LRRTM4: variants seen among roughly 807,000 people sequenced by gnomAD.
LRRTM4 encodes leucine-rich repeat transmembrane neuronal protein 4.
A neutral mutation model predicts 47.6 loss-of-function variants in LRRTM4; 25 were observed. That is an observed-to-expected ratio of 0.53 (90% CI 0.38 to 0.73). The LOEUF (loss-of-function observed/expected upper bound fraction) is 0.73. Ranked by LOEUF, LRRTM4 falls within the 30% of genes least tolerant of loss-of-function variation. LRRTM4 has a pLI of 0.00. For missense variants in LRRTM4, 638 were observed against 713.4 expected, an observed-to-expected ratio of 0.89 and a Z score of 1.20; for synonymous variants, 311 against 269.5, an observed-to-expected ratio of 1.15 and a Z score of -1.51.
At chr2:77,430,633 A>ACC (rs1487282683) in intron 3 of LRRTM4, among the ~76,000 whole-genome samples, 2 of 148,534 alleles carry the variant, frequency 1.3e-5, no homozygotes, top group African/African-American at 2.6e-5. Context: ...AGGCAGGAGA[A>ACC]TCACTTGAAC....
chr2:76,976,037 A>T (rs928061571), intron 3 of LRRTM4, among the ~76,000 whole-genome samples: 2 of 151,754 alleles, frequency 1.3e-5, no homozygotes, highest in Admixed American at 1.3e-4. Context: ...CTATTGAATT[A>T]TAACTTTCCT....
chr2:77,515,831 G>A (rs1045595458), intron 3 of LRRTM4, among the ~76,000 whole-genome samples: 10 of 151,766 alleles, frequency 6.6e-5, no homozygotes, highest in Non-Finnish European at 1.2e-4. Context: ...ATTTTACTCC[G>A]AGTGACAAAG....
At chr2:76,992,324 T>C (rs1428430716) in intron 3 of LRRTM4, among the ~76,000 whole-genome samples, 1 of 151,714 alleles carries the variant, frequency 6.6e-6, no homozygotes, top group Non-Finnish European at 1.5e-5. Flanking sequence ...GGCATCCAAA[T>C]AGAAAAAGCA....
intron 3 of LRRTM4, among the ~76,000 whole-genome samples, chr2:77,157,054 C>G (rs371085269): frequency 6.6e-6 from 1 of 151,964 alleles, no homozygotes; most frequent in Non-Finnish European, 1.5e-5. Context: ...ATTAAACAAA[C>G]CCTTAACATT....
chr2:77,102,214 C>T (rs1184377341), intron 3 of LRRTM4, among the ~76,000 whole-genome samples: 2 of 152,332 alleles, frequency 1.3e-5, no homozygotes, highest in African/African-American at 2.4e-5. Context: ...ACCCCGCACC[C>T]TCATGTGGTT....
At chr2:77,467,242 C>G (rs906955616) in intron 3 of LRRTM4, among the ~76,000 whole-genome samples, 2 of 152,040 alleles carry the variant, frequency 1.3e-5, no homozygotes, top group Non-Finnish European at 2.9e-5. Context: ...GTGATCAGCA[C>G]AGTGTTCCTT....
rs1247723363 is a variant in LRRTM4 at position 76,806,682 on chromosome 2, AAG to A, written c.1552-57768_1552-57767del. ...AAATATATTACAAAGTAATACTGAA[AAG>A]AGAAGTTAAAAATGTGCATAAAATT... On this transcript the variant is annotated intron_variant, in intron 3 of 3. Transcript: ENST00000409884. 3.3e-5 allele frequency among the ~76,000 whole-genome samples: 5 copies of A among 152,282 alleles called. No individual in the cohort carries two copies. The South Asian group carries it at 6.2e-4, about 19-fold the overall frequency.
At chr2:76,989,756 A>G (rs1480629867) in intron 3 of LRRTM4, 1 of 151,792 alleles carries the variant, frequency 6.6e-6, no homozygotes, top group East Asian at 1.9e-4. Flanking sequence ...TGTAGTTGTC[A>G]TTATCGTTAT....
At chr2:77,033,827 T>A (rs1049423194) in intron 3 of LRRTM4, among the ~76,000 whole-genome samples, 4 of 151,812 alleles carry the variant, frequency 2.6e-5, no homozygotes, top group African/African-American at 7.2e-5. Flanking sequence ...TAAAAATAAT[T>A]AACTTATAAA....
At chr2:77,245,217 A>G (rs1367223796) in intron 3 of LRRTM4, among the ~76,000 whole-genome samples, 1 of 151,992 alleles carries the variant, frequency 6.6e-6, no homozygotes, top group East Asian at 1.9e-4. Flanking sequence ...TAATACTTTA[A>G]ATGTACAACT....
intron 3 of LRRTM4, among the ~76,000 whole-genome samples, chr2:77,116,814 T>A (rs968522422): frequency 6.6e-6 from 1 of 152,134 alleles, no homozygotes; most frequent in Non-Finnish European, 1.5e-5. Flanking sequence ...TTTTTACATA[T>A]ATAATTTGTC....
chr2:77,462,915 TG>T (rs932385731), intron 3 of LRRTM4, among the ~76,000 whole-genome samples: 3 of 147,134 alleles, frequency 2.0e-5, no homozygotes, highest in East Asian at 2.0e-4. Context: ...GTAGCGGGGG[TG>T]GGGGGCAAAT....
At chr2:77,263,738 T>C (rs1380677694) in intron 3 of LRRTM4, among the ~76,000 whole-genome samples, 2 of 152,128 alleles carry the variant, frequency 1.3e-5, no homozygotes, top group East Asian at 1.9e-4. Flanking sequence ...CCCTGGCTAA[T>C]GTAGTGTAAA....
At chr2:77,375,092 C>A (rs1558713980) in intron 3 of LRRTM4, among the ~76,000 whole-genome samples, 1 of 151,174 alleles carries the variant, frequency 6.6e-6, no homozygotes, top group African/African-American at 2.4e-5. Flanking sequence ...TCTTTCTTGC[C>A]TTTTTTTTCT....
At chr2:77,341,174 C>T (rs1163593682) in intron 3 of LRRTM4, among the ~76,000 whole-genome samples, 1 of 151,874 alleles carries the variant, frequency 6.6e-6, no homozygotes, top group Non-Finnish European at 1.5e-5. Context: ...GGGACAGAGT[C>T]CTTAATGTCT....
intron 3 of LRRTM4, among the ~76,000 whole-genome samples, chr2:76,897,084 T>C (rs1170826216): frequency 6.6e-6 from 1 of 151,990 alleles, no homozygotes; most frequent in Admixed American, 6.6e-5. Flanking sequence ...GAGATGATTG[T>C]TTAGACAATT....
intron 3 of LRRTM4, among the ~76,000 whole-genome samples, chr2:77,003,268 T>G (rs1677504095): frequency 6.6e-6 from 1 of 151,586 alleles, no homozygotes; most frequent in South Asian, 2.1e-4. Flanking sequence ...TATTTTACTT[T>G]TATTTGCTTA....
chr2:77,429,419 AT>A (rs1156936535), intron 3 of LRRTM4, among the ~76,000 whole-genome samples: 3 of 152,154 alleles, frequency 2.0e-5, no homozygotes, highest in Non-Finnish European at 4.4e-5. Flanking sequence ...TTGCAGCATT[AT>A]TCGCAATAGC....
At chr2:77,423,421 G>T (rs576560794) in intron 3 of LRRTM4, among the ~76,000 whole-genome samples, 193 of 152,148 alleles carry the variant, frequency 1.3e-3, no homozygotes, top group Non-Finnish European at 2.5e-3. Context: ...TATGAAAAAT[G>T]CATTTGGTAA....
Sources: gnomAD v4.1 joint callset for allele counts (sites outside exome capture counted in the v4.1 genomes callset) on GRCh38, gnomAD v4.1.1 for gene constraint, MANE v1.5 for transcripts, NCBI Gene and HGNC (gene_info 2026-07-23, HGNC 2026-07-21) for gene names.